The following NID1 variants were observed in gnomAD, a reference collection of about 807,000 sequenced individuals.
NID1 encodes the protein nidogen 1.
NID1 carries 76 observed loss-of-function variants against 130.6 expected under a neutral mutation model. The ratio of observed to expected loss-of-function variants is 0.58; its 90% CI spans 0.48 to 0.70. The LOEUF is 0.70. Among genes scored for constraint, NID1 ranks in the 30% least tolerant of loss-of-function variants. NID1 has a pLI of 0.00. For synonymous variants in NID1, 665 were observed against 675.1 expected, an observed-to-expected ratio of 0.98 and a Z score of 0.23; for missense variants, 1,517 against 1,664.8, an observed-to-expected ratio of 0.91 and a Z score of 1.54.
At chr1:236,018,309 T>C (rs1050859916) in intron 9 of NID1, among the ~76,000 whole-genome samples, 4 of 152,228 alleles carry the variant, frequency 2.6e-5, no homozygotes, top group Admixed American at 6.5e-5. Context: ...AGTATACTAC[T>C]ACTCATCTTG....
rs1162495731 is a variant in NID1 at position 235,980,537 on chromosome 1, G to T, written c.3344C>A (p.Thr1115Asn). 1 of 1,614,180 alleles carries T rather than the reference G, an allele frequency of 6.2e-7. No individual in the cohort carries two copies. Among genetic ancestry groups the T allele is most frequent in the African/African-American group, 1.3e-5 (1 of 75,042 alleles). The change falls in exon 17 of 20, where the codon ACC becomes AAC. Residue 1115 changes from threonine (T) to asparagine (N), a missense_variant. By Grantham distance (65) the Thr-to-Asn change is moderately conservative. Transcript: ENST00000264187. ...QDDLGLPNGL[T>N]FDAFSSQLCW... ...GAGCTGAGATGAGAACGCATCGAAGGTCAGTCCATTGGGCAAGCCCAGGTC... is the reference window on the plus strand; with the variant it reads ...GAGCTGAGATGAGAACGCATCGAAGTTCAGTCCATTGGGCAAGCCCAGGTC...
chr1:235,987,863 C>T (rs1451496627), intron 14 of NID1, among the ~76,000 whole-genome samples: 1 of 152,098 alleles, frequency 6.6e-6, no homozygotes, highest in Non-Finnish European at 1.5e-5. Context: ...AGGACAGTGA[C>T]CCTTACCTCA....
intron 1 of NID1, among the ~76,000 whole-genome samples, chr1:236,054,703 G>A (rs1036505045): frequency 6.6e-6 from 1 of 151,506 alleles, no homozygotes; most frequent in Non-Finnish European, 1.5e-5. Context: ...GTGCAGTGGT[G>A]CAGTCTCGGC....
chr1:236,003,122 T>C (rs1658130198), intron 12 of NID1, among the ~76,000 whole-genome samples: 1 of 148,390 alleles, frequency 6.7e-6, no homozygotes, highest in South Asian at 2.2e-4. Context: ...TTGTCACTCC[T>C]AGTGAACGAC....
chr1:235,993,725 C>A lies in NID1; in HGVS notation c.2675G>T (p.Ser892Ile), dbSNP rs754875443. The change falls in exon 13 of 20, where the codon AGC becomes ATC. Residue 892 changes from serine to isoleucine, a missense_variant. Ser to Ile is a moderately radical substitution (Grantham distance 142, BLOSUM62 -2). Coordinates refer to ENST00000264187, the MANE Select transcript of NID1 (RefSeq NM_002508.3). ...ATCCACGCACCAGCAGTAGCCGGTG[C>A]TGCCGTGGCACTGGGTGGGCGCGTA... ...GHYAPTQCHG[S>I]TGYCWCVDRD... The A allele has an allele frequency of 3.1e-6, 5 of 1,611,446 alleles. No individual in the cohort carries two copies. The highest frequency in any genetic ancestry group is 3.4e-6 in the Non-Finnish European group (4 of 1,178,444).
rs776757114 is a variant in NID1, at chr1:235,977,979, T to C, written c.3632A>G (p.Tyr1211Cys). ...GCAGCCGCCATTGTTCACTGAGCAG[T>C]AGTTATGGCCTGGAAAAGGCAGAAA... ...ALSQCPQGHN[Y>C]CSVNNGGCTH... The change falls in exon 20 of 20, where the codon TAC (tyrosine) becomes TGC (cysteine). Residue 1211 changes from tyrosine (Y) to cysteine (C), a missense_variant. Around this residue, in one of 3 missense-constraint regions of NID1, gnomAD observed 181 missense variants for 211.3 expected, o/e 0.86. Transcript: ENST00000264187. 5 of 1,613,918 alleles carry C rather than the reference T, an allele frequency of 3.1e-6. No homozygotes were observed. In the African/African-American group the frequency reaches 5.3e-5, roughly 17 times the overall value.
At chr1:235,994,731 C>T (rs1553342177) in intron 12 of NID1, among the ~76,000 whole-genome samples, 3 of 144,894 alleles carry the variant, frequency 2.1e-5, no homozygotes, top group Non-Finnish European at 4.5e-5. Flanking sequence ...GAGTCTCGCT[C>T]TGTTGCCCAG....
In NID1 at chr1:235,977,785, G is replaced by T. The variant is rs1657310022; in HGVS notation, c.*82C>A. On this transcript the variant is annotated 3_prime_UTR_variant, in exon 20 of 20. Coordinates refer to ENST00000264187, the MANE Select transcript of NID1 (RefSeq NM_002508.3). ...GGGCCTAGTGGCCACTCAGCCAGAG[G>T]ACACTTTTCAATCTGGACCAAGTTG... 6.6e-7 allele frequency: 1 copy of T among 1,526,006 alleles called. No individual in the cohort carries two copies. The highest frequency in any genetic ancestry group is 1.2e-5 in the South Asian group (1 of 82,816). The allele number at this position is 1,526,006 out of a possible 1,614,324, so 94.5% of individuals were successfully genotyped here.
chr1:236,064,060 C>T (rs1660120663), intron 1 of NID1, among the ~76,000 whole-genome samples: 1 of 152,172 alleles, frequency 6.6e-6, no homozygotes, highest in Non-Finnish European at 1.5e-5. Context: ...CGGCCAACCC[C>T]CCACACTTCT....
At chr1:236,009,246 C>T (rs181087150) in intron 12 of NID1, among the ~76,000 whole-genome samples, 4 of 152,256 alleles carry the variant, frequency 2.6e-5, no homozygotes, top group South Asian at 2.1e-4. Flanking sequence ...GACCTCTTGC[C>T]CTTTCTACCA....
chr1:235,988,836 T>C (rs1438327001), intron 14 of NID1, among the ~76,000 whole-genome samples: 1 of 152,134 alleles, frequency 6.6e-6, no homozygotes, highest in African/African-American at 2.4e-5. Flanking sequence ...GGGCAGTAAG[T>C]AGAATCGTGG....
At chr1:236,005,785 T>A (rs1472356763) in intron 12 of NID1, among the ~76,000 whole-genome samples, 1 of 152,208 alleles carries the variant, frequency 6.6e-6, no homozygotes, top group Non-Finnish European at 1.5e-5. Flanking sequence ...ATCAACTAAC[T>A]TCTGTACAGA....
At chr1:236,019,359 A>G (rs1415791835) in intron 9 of NID1, among the ~76,000 whole-genome samples, 1 of 152,264 alleles carries the variant, frequency 6.6e-6, no homozygotes, top group Non-Finnish European at 1.5e-5. Flanking sequence ...TGCAGGGCTC[A>G]GTGACTTAGA....
In NID1 at chr1:235,987,218, G is replaced by A. The variant is rs757415288; in HGVS notation, c.2929-1713C>T. ...TGAGTATTTATTAGGTGCTCATTAT[G>A]TATGACGAACTATGGTGATACATAG... is the stretch of plus-strand genomic sequence containing the variant. On this transcript the variant is annotated intron_variant, in intron 14 of 19. Transcript: ENST00000264187. Among the ~76,000 whole-genome samples, 10 of 152,300 alleles carry A rather than the reference G, an allele frequency of 6.6e-5. 1 individual carries two copies. The highest frequency in any genetic ancestry group is 6.8e-3 in the Middle Eastern group (2 of 294).
chr1:236,047,749 G>T (rs1405196510), intron 2 of NID1, among the ~76,000 whole-genome samples: 2 of 152,000 alleles, frequency 1.3e-5, no homozygotes, highest in Non-Finnish European at 2.9e-5. Context: ...CCTTCCAGCC[G>T]GGCTCGGTGG....
At chr1:235,990,581 A>G (rs1558423079) in intron 14 of NID1, among the ~76,000 whole-genome samples, 1 of 152,236 alleles carries the variant, frequency 6.6e-6, no homozygotes, top group Admixed American at 6.5e-5. Flanking sequence ...CACAAAATGC[A>G]TCTCTGAAGC....
In NID1 at chr1:236,048,930, C is replaced by T. The variant is rs1322523254; in HGVS notation, c.285G>A (p.Gly95=). 3 of 1,614,032 alleles carry T rather than the reference C, an allele frequency of 1.9e-6. No individual in the cohort carries two copies. The highest frequency in any genetic ancestry group is 2.5e-6 in the Non-Finnish European group (3 of 1,180,016). Residue 95 remains glycine, a synonymous_variant, in exon 2 of 20, where the codon GGG becomes GGA. Coordinates refer to ENST00000264187, the MANE Select transcript of NID1 (RefSeq NM_002508.3). ...SEPPAKESHP[G]LFPPTFGAVA... ...CTGCACCGAATGTTGGTGGGAAGAG[C>T]CCGGGATGGGATTCTTTGGCCGGGG... is the stretch of plus-strand genomic sequence containing the variant.
At chr1:236,016,096 C>T (rs117202534) in intron 10 of NID1, among the ~76,000 whole-genome samples, 4 of 151,930 alleles carry the variant, frequency 2.6e-5, no homozygotes, top group Non-Finnish European at 5.9e-5. Flanking sequence ...ATCTGCTTAG[C>T]CTCAAAAAGC....
intron 5 of NID1, among the ~76,000 whole-genome samples, chr1:236,036,027 G>A (rs900397457): frequency 1.4e-4 from 22 of 152,106 alleles, no homozygotes; most frequent in African/African-American, 5.3e-4. Flanking sequence ...AAAATATGTG[G>A]CTGAACAGTT....
Sources: allele counts gnomAD v4.1 joint callset (sites outside exome capture counted in the v4.1 genomes callset), GRCh38; gene constraint gnomAD v4.1.1; regional missense constraint gnomAD v4.1.1; transcripts MANE v1.5; gene names NCBI Gene and HGNC (gene_info 2026-07-23, HGNC 2026-07-21).